The following FUT9 variants were observed in gnomAD, a reference collection of about 807,000 sequenced individuals.
The protein encoded by FUT9 is 4-galactosyl-N-acetylglucosaminide 3-alpha-L-fucosyltransferase 9.
In FUT9, 15 loss-of-function variants were observed where a neutral mutation model predicts 29.7. That is an observed-to-expected ratio of 0.51 (90% CI 0.34 to 0.78). FUT9 has a LOEUF of 0.78. Ranked by LOEUF, FUT9 falls within the 30% of genes least tolerant of loss-of-function variation. The probability of loss-of-function intolerance (pLI) is 0.01; values close to 1 mark genes in which losing one functional copy is unlikely to be tolerated. For missense variants in FUT9, 319 were observed against 425.4 expected (o/e 0.75, Z 2.20); for synonymous variants, 169 against 153.7 (o/e 1.10, Z -0.74).
intron 1 of FUT9, among the ~76,000 whole-genome samples, chr6:96,082,724 T>C (rs1385073390): frequency 6.6e-6 from 1 of 151,952 alleles, no homozygotes; most frequent in Non-Finnish European, 1.5e-5. Context: ...ACCTATCTAC[T>C]ATTTTTTGGA....
chr6:96,163,371 T>C (rs1772950313), intron 2 of FUT9, among the ~76,000 whole-genome samples: 1 of 151,918 alleles, frequency 6.6e-6, no homozygotes, highest in Non-Finnish European at 1.5e-5. Flanking sequence ...CATACTTCTA[T>C]ATTTGAGTTA....
At chr6:96,072,626 C>A (rs576067545) in intron 1 of FUT9, among the ~76,000 whole-genome samples, 3 of 152,078 alleles carry the variant, frequency 2.0e-5, no homozygotes, top group Non-Finnish European at 2.9e-5. Context: ...TTTTATAATG[C>A]CTTTGTGTTC....
At chr6:96,180,970 T>A in intron 2 of FUT9, among the ~76,000 whole-genome samples, 1 of 151,934 alleles carries the variant, frequency 6.6e-6, no homozygotes, top group East Asian at 1.9e-4. Flanking sequence ...AAGAGATCTT[T>A]ACCTACTGGT....
chr6:96,143,724 T>C (rs1772509412), intron 2 of FUT9, among the ~76,000 whole-genome samples: 1 of 152,188 alleles, frequency 6.6e-6, no homozygotes, highest in African/African-American at 2.4e-5. Context: ...TATAAAAATA[T>C]AAAATCGTTG....
Position 96,203,579 on chromosome 6 carries a change from A to G in FUT9, c.424A>G (p.Thr142Ala). 6.2e-7 allele frequency: 1 copy of G among 1,613,634 alleles called. No homozygotes were observed. The highest frequency in any genetic ancestry group is 8.5e-7 in the Non-Finnish European group (1 of 1,179,920). ...GATGAATTTGGAATCACCAACTCAC[A>G]CTCCCCAAAAGAGTGGCATTGAGCA... ...IWMNLESPTH[T>A]PQKSGIEHLF... The change falls in exon 3 of 3, where the codon ACT becomes GCT. Residue 142 changes from threonine (T) to alanine (A), a missense_variant. By Grantham distance (58) the Thr-to-Ala change is moderately conservative. Coordinates refer to ENST00000302103, the MANE Select transcript of FUT9 (RefSeq NM_006581.4).
chr6:96,144,113 C>T (rs954294349), intron 2 of FUT9, among the ~76,000 whole-genome samples: 5 of 152,150 alleles, frequency 3.3e-5, no homozygotes, highest in Middle Eastern at 3.2e-3. Context: ...GACATGGAGG[C>T]TTCAGCTGCA....
At chr6:96,069,621 TTTTTTA>T (rs1379476382) in intron 1 of FUT9, among the ~76,000 whole-genome samples, 1 of 101,164 alleles carries the variant, frequency 9.9e-6, no homozygotes, top group African/African-American at 3.4e-5. Flanking sequence ...ATTTTTTTAT[TTTTTTA>T]TTTTTTATTT....
chr6:96,103,700 T>A (rs1771628572), intron 1 of FUT9, among the ~76,000 whole-genome samples: 1 of 152,224 alleles, frequency 6.6e-6, no homozygotes, highest in Admixed American at 6.5e-5. Flanking sequence ...CTCTCTCATA[T>A]CACCAGTCAT....
chr6:96,125,178 T>A (rs985459547), intron 2 of FUT9, among the ~76,000 whole-genome samples: 3 of 152,214 alleles, frequency 2.0e-5, no homozygotes, highest in African/African-American at 7.2e-5. Flanking sequence ...ATAAATAGCA[T>A]ACTCTTTCTA....
chr6:96,081,835 T>C (rs1771243253), intron 1 of FUT9, among the ~76,000 whole-genome samples: 2 of 151,970 alleles, frequency 1.3e-5, no homozygotes, highest in African/African-American at 4.8e-5. Flanking sequence ...TACTCATTAT[T>C]GTCTCTGACT....
chr6:96,107,397 T>A lies in FUT9; in HGVS notation c.-97-6642T>A, dbSNP rs1217446890. ...TTTTATTTACGATATACTGTCTCTC[T>A]ATTTTAGAACAAATTTCATTTTCTC... On this transcript the variant is annotated intron_variant, in intron 1 of 2. Transcript: ENST00000302103. 2.6e-5 allele frequency among the ~76,000 whole-genome samples: 4 copies of A among 152,286 alleles called. No individual in the cohort carries two copies. In the East Asian group the frequency reaches 5.8e-4, roughly 22 times the overall value.
At chr6:96,110,789 G>A (rs1771789793) in intron 1 of FUT9, among the ~76,000 whole-genome samples, 1 of 85,032 alleles carries the variant, frequency 1.2e-5, no homozygotes, top group South Asian at 4.2e-4. Flanking sequence ...CTGAGTAGCT[G>A]GGACTACAGG....
At chr6:96,055,490 G>A (rs189390511) in intron 1 of FUT9, among the ~76,000 whole-genome samples, 1 of 149,758 alleles carries the variant, frequency 6.7e-6, no homozygotes, top group East Asian at 2.0e-4. Flanking sequence ...TATCTGCTTT[G>A]GTAATTTATT....
At chr6:96,190,581 T>C (rs1172277781) in intron 2 of FUT9, among the ~76,000 whole-genome samples, 1 of 152,194 alleles carries the variant, frequency 6.6e-6, no homozygotes, top group African/African-American at 2.4e-5. Context: ...CATAGTCCCA[T>C]ATTTCTTGGA....
chr6:96,049,527 C>T (rs138642674), intron 1 of FUT9, among the ~76,000 whole-genome samples: 45 of 152,248 alleles, frequency 3.0e-4, no homozygotes, highest in African/African-American at 8.7e-4. Flanking sequence ...GTTTCAAAGG[C>T]GAGGGCCAAG....
chr6:96,202,675 A>G (rs1773746646), intron 2 of FUT9, among the ~76,000 whole-genome samples: 2 of 152,214 alleles, frequency 1.3e-5, no homozygotes, highest in African/African-American at 4.8e-5. Flanking sequence ...ACGTTTTTAA[A>G]AACAGTTTAG....
chr6:96,119,252 ATT>A (rs1771973811), intron 2 of FUT9, among the ~76,000 whole-genome samples: 1 of 152,086 alleles, frequency 6.6e-6, no homozygotes, highest in African/African-American at 2.4e-5. Flanking sequence ...CAGGTGTACG[ATT>A]TTTTATCTTG....
At chr6:96,178,816 A>C (rs984551082) in intron 2 of FUT9, among the ~76,000 whole-genome samples, 1 of 152,088 alleles carries the variant, frequency 6.6e-6, no homozygotes. Context: ...AAACACAGAG[A>C]TATCCACTTC....
At chr6:96,115,405 A>G (rs935140323) in intron 2 of FUT9, among the ~76,000 whole-genome samples, 3 of 152,228 alleles carry the variant, frequency 2.0e-5, no homozygotes, top group Non-Finnish European at 4.4e-5. Context: ...CAATTCAGAT[A>G]CTAAAGTTTT....
Sources: gnomAD v4.1 joint callset for allele counts (sites outside exome capture counted in the v4.1 genomes callset) on GRCh38, gnomAD v4.1.1 for gene constraint, MANE v1.5 for transcripts, NCBI Gene and HGNC (gene_info 2026-07-23, HGNC 2026-07-21) for gene names.